The following SCOC variants were observed in gnomAD, a reference collection of about 807,000 sequenced individuals.
SCOC encodes short coiled coil protein.
Under a neutral mutation model 9.9 loss-of-function variants are expected in SCOC, and 7 were observed. That is an observed-to-expected ratio of 0.71 (90% CI 0.40 to 1.33). SCOC has a LOEUF of 1.33. Ranked by LOEUF, SCOC falls within the 40% of genes most tolerant of loss-of-function variation. The pLI is 0.01. For synonymous variants in SCOC, 19 were observed against 28.2 expected (o/e 0.67, Z 1.03); for missense variants, 66 against 89.7 (o/e 0.74, Z 1.07).
chr4:140,360,988 G>A (rs770262267), intron 2 of SCOC: 2 of 151,632 alleles, frequency 1.3e-5, no homozygotes, highest in African/African-American at 2.4e-5. Context: ...TATAAAGAAG[G>A]AGGAAGAAAA....
intron 1 of SCOC, among the ~76,000 whole-genome samples, chr4:140,324,304 A>T (rs1732583667): frequency 6.6e-6 from 1 of 152,192 alleles, no homozygotes; most frequent in South Asian, 2.1e-4. Flanking sequence ...TAAAGCGAGG[A>T]TGTCCTCTCT....
chr4:140,317,524 T>G (rs1176051487), intron 1 of SCOC, among the ~76,000 whole-genome samples: 1 of 151,866 alleles, frequency 6.6e-6, no homozygotes, highest in Admixed American at 6.6e-5. Context: ...GCGGACCCCC[T>G]TAGAGTTGTA....
chr4:140,348,846 C>T (rs558038693), intron 2 of SCOC, among the ~76,000 whole-genome samples: 5 of 152,220 alleles, frequency 3.3e-5, no homozygotes, highest in Non-Finnish European at 7.4e-5. Context: ...GCAAAGATTC[C>T]CTGTTCTCCA....
upstream of SCOC, chr4:140,369,497 C>CA (rs1173132652): frequency 3.8e-6 from 1 of 263,454 alleles, no homozygotes; most frequent in Admixed American, 5.0e-5. Flanking sequence ...TTCCATTTAG[C>CA]ATATTTCACC....
At position 140,317,068 on chromosome 4, in the gene SCOC, C is replaced by T. The variant is rs1482497570; in HGVS notation, c.-18-26553C>T. On this transcript the variant is annotated intron_variant, in intron 1 of 4. Transcript: ENST00000394205. Reference sequence around the variant, plus strand: ...TTCCACAGGTTTCCACGAACACTTCCGTTGTCCATGATCTTAAGGGCTTTT... The same window carrying T: ...TTCCACAGGTTTCCACGAACACTTCTGTTGTCCATGATCTTAAGGGCTTTT... 3.9e-5 allele frequency among the ~76,000 whole-genome samples: 6 copies of T among 152,126 alleles called. No homozygotes were observed. In the East Asian group the frequency reaches 5.8e-4, roughly 15 times the overall value.
rs920676992 is a variant in SCOC, at chr4:140,297,610, C to T, written c.-19+40200C>T. Among the ~76,000 whole-genome samples the T allele has an allele frequency of 1.2e-4, 18 of 152,170 alleles. No homozygotes were observed. In the East Asian group the frequency reaches 2.3e-3, roughly 20 times the overall value. On this transcript the variant is annotated intron_variant, in intron 1 of 4. Coordinates refer to the SCOC transcript ENST00000394205. Reference sequence around the variant, plus strand: ...TAGGAAAAACATTTCTTGATTGCACCCTGCTGTCAAAAAGCATAGGATAAA... The same window carrying T: ...TAGGAAAAACATTTCTTGATTGCACTCTGCTGTCAAAAAGCATAGGATAAA...
At chr4:140,355,139 G>T (rs751119854) in intron 2 of SCOC, among the ~76,000 whole-genome samples, 13 of 150,572 alleles carry the variant, frequency 8.6e-5, no homozygotes, top group African/African-American at 3.2e-4. Flanking sequence ...TCAGCTGCCA[G>T]CGAATATAAA....
chr4:140,315,121 T>C (rs974209179), intron 1 of SCOC, among the ~76,000 whole-genome samples: 1 of 152,186 alleles, frequency 6.6e-6, no homozygotes, highest in African/African-American at 2.4e-5. Flanking sequence ...TGTAAAGAAC[T>C]CCATATTCTC....
At position 140,281,299 on chromosome 4, in the gene SCOC, G is replaced by A. The variant is rs147309314; in HGVS notation, c.-19+23889G>A. 6.0e-4 allele frequency among the ~76,000 whole-genome samples: 91 copies of A among 152,180 alleles called. 1 individual carries two copies. Among genetic ancestry groups the A allele is most frequent in the Admixed American group, 1.1e-3 (17 of 15,280 alleles). On this transcript the variant is annotated intron_variant, in intron 1 of 4. Coordinates refer to the SCOC transcript ENST00000394205. Reference sequence around the variant, plus strand: ...TGGGGAGAGAGGCCAGGAATTTTACGCTAATGAGACTCCTTCTACCTGGAG... The same window carrying A: ...TGGGGAGAGAGGCCAGGAATTTTACACTAATGAGACTCCTTCTACCTGGAG...
At chr4:140,376,276 T>G (rs1728339481) in intron 1 of SCOC, 2 of 152,202 alleles carry the variant, frequency 1.3e-5, no homozygotes, top group African/African-American at 2.4e-5. Flanking sequence ...TTGCCCTAAA[T>G]CTACTGAAAG....
intron 1 of SCOC, among the ~76,000 whole-genome samples, chr4:140,325,496 T>C (rs1003174184): frequency 2.0e-5 from 3 of 152,068 alleles, no homozygotes; most frequent in Admixed American, 6.6e-5. Flanking sequence ...AACTCAGTAA[T>C]AAGAAACAAC....
chr4:140,325,917 G>A (rs999985546), intron 1 of SCOC, among the ~76,000 whole-genome samples: 1 of 152,064 alleles, frequency 6.6e-6, no homozygotes, highest in Non-Finnish European at 1.5e-5. Context: ...CATTCCAAAC[G>A]AGAAACAGCT....
chr4:140,351,386 T>A (rs1269640119), intron 2 of SCOC, among the ~76,000 whole-genome samples: 1 of 152,088 alleles, frequency 6.6e-6, no homozygotes, highest in African/African-American at 2.4e-5. Context: ...ATGAAGCCAC[T>A]CTTTCCCCTC....
intron 1 of SCOC, among the ~76,000 whole-genome samples, chr4:140,269,680 A>C (rs1730800197): frequency 6.6e-6 from 1 of 152,210 alleles, no homozygotes; most frequent in African/African-American, 2.4e-5. Context: ...CATTGGGGTG[A>C]TTTGTTATGC....
At chr4:140,350,013 A>G (rs1172642547) in intron 2 of SCOC, among the ~76,000 whole-genome samples, 1 of 152,204 alleles carries the variant, frequency 6.6e-6, no homozygotes, top group Non-Finnish European at 1.5e-5. Context: ...ATTTGAGCTC[A>G]GTAGGAGACC....
chr4:140,299,287 G>C (rs1464885618), intron 1 of SCOC, among the ~76,000 whole-genome samples: 1 of 152,224 alleles, frequency 6.6e-6, no homozygotes, highest in Non-Finnish European at 1.5e-5. Flanking sequence ...GGGATGTAAA[G>C]TGTGGTAAAG....
upstream of SCOC, among the ~76,000 whole-genome samples, chr4:140,373,085 G>T (rs1048449221): frequency 6.6e-6 from 1 of 152,252 alleles, no homozygotes; most frequent in Non-Finnish European, 1.5e-5. Context: ...GAGGAGGGGC[G>T]TGAGGAGAGG....
At chr4:140,262,112 C>T (rs1283522205) in intron 1 of SCOC, among the ~76,000 whole-genome samples, 1 of 152,114 alleles carries the variant, frequency 6.6e-6, no homozygotes, top group Non-Finnish European at 1.5e-5. Flanking sequence ...TCATTGTTTC[C>T]CTGCCTTTTC....
intron 1 of SCOC, among the ~76,000 whole-genome samples, chr4:140,261,726 C>T (rs1271349629): frequency 6.6e-6 from 1 of 152,156 alleles, no homozygotes; most frequent in Non-Finnish European, 1.5e-5. Flanking sequence ...GGGTTGCTTC[C>T]AGCCAGGAAT....
Sources: gnomAD v4.1 joint callset for allele counts (sites outside exome capture counted in the v4.1 genomes callset) on GRCh38, gnomAD v4.1.1 for gene constraint, MANE v1.5 for transcripts, NCBI Gene and HGNC (gene_info 2026-07-23, HGNC 2026-07-21) for gene names.